PLPP4: variants seen among roughly 807,000 people sequenced by gnomAD.
PLPP4 encodes phospholipid phosphatase 4.
Under a neutral mutation model 32.2 loss-of-function variants are expected in PLPP4, and 20 were observed. That is an observed-to-expected ratio of 0.62 (90% CI 0.44 to 0.90). The LOEUF is 0.90. Ranked by LOEUF, PLPP4 falls within the 40% of genes least tolerant of loss-of-function variation. The probability of loss-of-function intolerance (pLI) is 0.00; values close to 1 mark genes in which losing one functional copy is unlikely to be tolerated. For missense variants in PLPP4, 257 were observed against 353.1 expected, an observed-to-expected ratio of 0.73 and a Z score of 2.18; for synonymous variants, 127 against 133.0, an observed-to-expected ratio of 0.95 and a Z score of 0.31.
chr10:120,483,938 T>G (rs1844326763), intron 1 of PLPP4, among the ~76,000 whole-genome samples: 1 of 152,200 alleles, frequency 6.6e-6, no homozygotes, highest in Non-Finnish European at 1.5e-5. Context: ...CCTTTTATCT[T>G]TATAAATTAC....
chr10:120,569,078 A>C (rs1168734578), intron 5 of PLPP4, among the ~76,000 whole-genome samples: 1 of 152,066 alleles, frequency 6.6e-6, no homozygotes, highest in African/African-American at 2.4e-5. Flanking sequence ...AACTCTGCCA[A>C]AAATACAAAA....
rs1422738940 is a variant in PLPP4 at position 120,458,248 on chromosome 10, C to T, written c.56+887C>T. On this transcript the variant is annotated intron_variant, in intron 1 of 6. Coordinates refer to ENST00000398250, the MANE Select transcript of PLPP4 (RefSeq NM_001030059.3). The stretch of plus-strand genomic sequence containing the variant: ...CCGTGAGCTGCTGTCACCTAGGCAC[C>T]CACACCTGCACTGGTCCCTCCATCA... 8.5e-5 allele frequency among the ~76,000 whole-genome samples: 13 copies of T among 152,320 alleles called. No individual in the cohort carries two copies. The East Asian group carries it at 2.3e-3, about 27-fold the overall frequency.
chr10:120,534,911 A>T (rs1846939503), intron 5 of PLPP4, among the ~76,000 whole-genome samples: 1 of 152,142 alleles, frequency 6.6e-6, no homozygotes, highest in Non-Finnish European at 1.5e-5. Context: ...TATAATGGCT[A>T]CTTTGAAGTC....
intron 5 of PLPP4, among the ~76,000 whole-genome samples, chr10:120,568,040 G>T (rs1376621810): frequency 6.6e-6 from 1 of 152,156 alleles, no homozygotes; most frequent in East Asian, 1.9e-4. Context: ...ATCACTTGGG[G>T]CTTCTCATAC....
chr10:120,546,726 C>T (rs1054101705), intron 5 of PLPP4, among the ~76,000 whole-genome samples: 6 of 152,170 alleles, frequency 3.9e-5, no homozygotes, highest in African/African-American at 1.4e-4. Context: ...CACATCCTGC[C>T]TACCCATCTG....
chr10:120,487,637 G>A (rs1344681636), intron 1 of PLPP4, among the ~76,000 whole-genome samples: 1 of 152,198 alleles, frequency 6.6e-6, no homozygotes, highest in Non-Finnish European at 1.5e-5. Context: ...AATAATGTAT[G>A]TTAAGTGTAT....
At chr10:120,589,266 G>T in intron 6 of PLPP4, 37 bp from the exon 7 acceptor site, 1 of 1,595,300 alleles carries the variant, frequency 6.3e-7, no homozygotes. Flanking sequence ...TGAACAAATG[G>T]TAACCCATTT....
intron 1 of PLPP4, among the ~76,000 whole-genome samples, chr10:120,495,241 A>T (rs1191932179): frequency 1.3e-5 from 2 of 152,198 alleles, no homozygotes; most frequent in Non-Finnish European, 2.9e-5. Flanking sequence ...GATGTCTGCA[A>T]TATCATAACT....
chr10:120,586,777 G>A (rs569095124), intron 6 of PLPP4, among the ~76,000 whole-genome samples: 6 of 152,206 alleles, frequency 3.9e-5, no homozygotes, highest in African/African-American at 1.2e-4. Context: ...TTAAACAATC[G>A]CACAATTTGT....
At chr10:120,554,481 G>T (rs551674387) in intron 5 of PLPP4, among the ~76,000 whole-genome samples, 1 of 152,098 alleles carries the variant, frequency 6.6e-6, no homozygotes, top group Admixed American at 6.5e-5. Context: ...ACCTCTGCCT[G>T]TTACCCAGTT....
chr10:120,583,184 T>A (rs540988217), intron 6 of PLPP4, among the ~76,000 whole-genome samples: 25 of 151,944 alleles, frequency 1.6e-4, no homozygotes, highest in African/African-American at 5.3e-4. Context: ...AGGGATGATC[T>A]TCTGGAGGAC....
chr10:120,507,633 G>C (rs1235730728), intron 2 of PLPP4, among the ~76,000 whole-genome samples: 1 of 152,174 alleles, frequency 6.6e-6, no homozygotes, highest in South Asian at 2.1e-4. Flanking sequence ...GAGGCACTCC[G>C]CTGTGATGCT....
At chr10:120,550,814 A>ATATCTTTGGTAC (rs1847864005) in intron 5 of PLPP4, among the ~76,000 whole-genome samples, 1 of 152,098 alleles carries the variant, frequency 6.6e-6, no homozygotes, top group East Asian at 1.9e-4. Context: ...ATATAGAATA[A>ATATCTTTGGTAC]TATCTTTGGT....
intron 1 of PLPP4, among the ~76,000 whole-genome samples, chr10:120,482,700 C>T (rs948113773): frequency 7.3e-5 from 11 of 151,432 alleles, no homozygotes; most frequent in African/African-American, 2.2e-4. Context: ...GTCAGGAGAT[C>T]GAGACCATCC....
intron 5 of PLPP4, among the ~76,000 whole-genome samples, chr10:120,561,310 C>T (rs1444228891): frequency 6.6e-6 from 1 of 152,158 alleles, no homozygotes; most frequent in Non-Finnish European, 1.5e-5. Flanking sequence ...ATTCATAATC[C>T]AGAATTGATT....
At chr10:120,556,570 A>T (rs1848174046) in intron 5 of PLPP4, among the ~76,000 whole-genome samples, 1 of 152,198 alleles carries the variant, frequency 6.6e-6, no homozygotes, top group Non-Finnish European at 1.5e-5. Flanking sequence ...AGTGTAGTAA[A>T]CTAAGCGTAG....
intron 6 of PLPP4, among the ~76,000 whole-genome samples, chr10:120,580,554 CTA>C (rs1564855433): frequency 6.6e-6 from 1 of 151,756 alleles, no homozygotes; most frequent in Non-Finnish European, 1.5e-5. Flanking sequence ...GTAAATCCAG[CTA>C]TGTCATGTAA....
intron 5 of PLPP4, among the ~76,000 whole-genome samples, chr10:120,523,367 AACAC>A (rs2133915552): frequency 6.6e-6 from 1 of 151,996 alleles, no homozygotes; most frequent in South Asian, 2.1e-4. Context: ...CTTACGGCAG[AACAC>A]CCGTTTGGAG....
At chr10:120,516,393 A>T (rs540294319) in intron 3 of PLPP4, among the ~76,000 whole-genome samples, 1 of 152,286 alleles carries the variant, frequency 6.6e-6, no homozygotes, top group East Asian at 1.9e-4. Flanking sequence ...CTGGCATTGG[A>T]TGAGAGGAGT....
Sources: allele counts gnomAD v4.1 joint callset (sites outside exome capture counted in the v4.1 genomes callset), GRCh38; gene constraint gnomAD v4.1.1; transcripts MANE v1.5; gene names NCBI Gene and HGNC (gene_info 2026-07-23, HGNC 2026-07-21).